The following MYO7A variants were observed in gnomAD, a reference collection of about 807,000 sequenced individuals.
MYO7A encodes the protein unconventional myosin-VIIa.
A neutral mutation model predicts 263.8 loss-of-function variants in MYO7A; 210 were observed. The observed-to-expected ratio is 0.80, with a 90% CI of 0.71 to 0.89. The LOEUF is 0.89. MYO7A is among the 40% of genes least tolerant of loss of function. The pLI is 0.00. For synonymous variants in MYO7A, 1,239 were observed against 1,197.3 expected (o/e 1.03, Z -0.72); for missense variants, 2,820 against 2,968.3 (o/e 0.95, Z 1.16).
At chr11:77,159,649 A>G (rs935270307) in intron 10 of MYO7A, 126 bp downstream of exon 10, 5 of 948,796 alleles carry the variant, frequency 5.3e-6, no homozygotes, top group Non-Finnish European at 7.9e-6. Flanking sequence ...GTTCTGTTCA[A>G]TATGGAGAAG....
intron 29 of MYO7A, 36 bp downstream of exon 29, chr11:77,190,175 T>C: frequency 6.6e-7 from 1 of 1,504,824 alleles, no homozygotes; most frequent in Non-Finnish European, 9.0e-7. Flanking sequence ...CGTGTGCATG[T>C]GTGCGCACGT....
At chr11:77,204,469 A>G (rs1319905066) in intron 39 of MYO7A, among the ~76,000 whole-genome samples, 2 of 152,224 alleles carry the variant, frequency 1.3e-5, no homozygotes, top group Non-Finnish European at 2.9e-5. Context: ...TAACAGCCCC[A>G]GCTCCTCCTA....
At chr11:77,132,973 A>G (rs1950810095) in intron 2 of MYO7A, among the ~76,000 whole-genome samples, 1 of 152,194 alleles carries the variant, frequency 6.6e-6, no homozygotes, top group African/African-American at 2.4e-5. Context: ...AAGCAGCTGA[A>G]GCATACTTCC....
In MYO7A at chr11:77,156,052, A is replaced by G. The variant is rs782009482; in HGVS notation, c.431A>G (p.Asn144Ser). ...GCCATTGCTGACAACTGCTACTTCA[A>G]CATGAAACGCAACAGCCGAGACCAG... ...IFAIADNCYFNMKRNSRDQCC... is the reference protein window; with the variant it reads ...IFAIADNCYFSMKRNSRDQCC... Residue 144 changes from asparagine (N) to serine (S), a missense_variant, in exon 5 of 49, where the codon AAC (asparagine) becomes AGC (serine). By Grantham distance (46) the Asn-to-Ser change is conservative. Transcript: ENST00000409709. 4 of 1,613,820 alleles carry G rather than the reference A, an allele frequency of 2.5e-6. No individual in the cohort carries two copies. The Admixed American group carries it at 6.7e-5, about 27-fold the overall frequency.
Position 77,206,101 on chromosome 11 carries a change from G to A in MYO7A, c.5641G>A (p.Gly1881Arg), listed in dbSNP as rs373886432. ...LQRLQKALRN[G>R]SRKYPPHLVE... ...CTGCCCCTGCTGCCTTTTCAGAAAC[G>A]GGTCCCGGAAGTACCCTCCGCACCT... The change falls in exon 41 of 49, where the codon GGG becomes AGG. Residue 1881 changes from glycine to arginine, a missense_variant. Physicochemically the swap from Gly to Arg is moderately radical, Grantham distance 125 (BLOSUM62 -2). Coordinates refer to ENST00000409709, the MANE Select transcript of MYO7A (RefSeq NM_000260.4). The A allele has an allele frequency of 1.1e-5, 17 of 1,610,750 alleles. No individual in the cohort carries two copies. Among genetic ancestry groups the A allele is most frequent in the South Asian group, 5.5e-5 (5 of 90,334 alleles).
chr11:77,203,377 C>T (rs962813231), intron 38 of MYO7A, among the ~76,000 whole-genome samples, 160 bp downstream of exon 38: 1 of 152,216 alleles, frequency 6.6e-6, no homozygotes, highest in African/African-American at 2.4e-5. Flanking sequence ...CAAGGGGCTG[C>T]CTCGCCCACT....
At chr11:77,139,351 A>G (rs781169203) in intron 2 of MYO7A, 1 of 152,224 alleles carries the variant, frequency 6.6e-6, no homozygotes, top group African/African-American at 2.4e-5. Flanking sequence ...GGGAGCCTGC[A>G]TAGCTGGCAG....
At position 77,190,038 on chromosome 11, in the gene MYO7A, C is replaced by T. The variant is rs1288157050; in HGVS notation, c.3649C>T (p.His1217Tyr). The T allele has an allele frequency of 2.6e-6, 4 of 1,558,288 alleles. No homozygotes were observed. Among genetic ancestry groups the T allele is most frequent in the Non-Finnish European group, 2.6e-6 (3 of 1,151,638 alleles). The change falls in exon 29 of 49, where the codon CAC becomes TAC. Residue 1217 changes from histidine to tyrosine, a missense_variant. Physicochemically the swap from His to Tyr is moderately conservative, Grantham distance 83. Coordinates refer to ENST00000409709, the MANE Select transcript of MYO7A (RefSeq NM_000260.4). ...GCTGCAGTACCTGCGGAACTTCATC[C>T]ACGGGGGCCCGCCCGGCTACGCCCC... is the stretch of plus-strand genomic sequence containing the variant. ...KFVKYLRNFI[H>Y]GGPPGYAPYC...
At chr11:77,142,161 C>T (rs1335070080) in intron 2 of MYO7A, among the ~76,000 whole-genome samples, 5 of 152,228 alleles carry the variant, frequency 3.3e-5, no homozygotes, top group Admixed American at 6.5e-5. Flanking sequence ...GACATCCTCC[C>T]CCAGGATCAG....
chr11:77,156,239 T>A, intron 5 of MYO7A, 148 bp downstream of exon 5: 1 of 872,994 alleles, frequency 1.1e-6, no homozygotes, highest in Non-Finnish European at 1.7e-6. Flanking sequence ...CTGTGCTGTG[T>A]AACAATGTAG....
In MYO7A at chr11:77,211,767, T is replaced by C. The variant is rs946947128; in HGVS notation, c.6238-54T>C. ...CTCTGAGCTCTGAGCTGGCCTGCCC[T>C]GAGCAGGCCTGTCCCCAGGACTGAG... On this transcript the variant is annotated intron_variant, in intron 45 of 48. Coordinates refer to ENST00000409709, the MANE Select transcript of MYO7A (RefSeq NM_000260.4). 54 of 1,420,336 alleles carry C rather than the reference T, an allele frequency of 3.8e-5. No homozygotes were observed. In the Middle Eastern group the frequency reaches 1.3e-3, roughly 34 times the overall value. The allele number at this position is 1,420,336 out of a possible 1,614,324, so 88.0% of individuals were successfully genotyped here.
At chr11:77,159,407 A>ACCCCCCCCCC in intron 9 of MYO7A, 40 bp from the exon 10 acceptor site, 3 of 426,926 alleles carry the variant, frequency 7.0e-6, no homozygotes, top group Non-Finnish European at 1.3e-5. Flanking sequence ...CCTGTTGCCC[A>ACCCCCCCCCC]CCCTCCCTCC....
chr11:77,210,343 T>C (rs1957779753), intron 44 of MYO7A, among the ~76,000 whole-genome samples: 1 of 152,088 alleles, frequency 6.6e-6, no homozygotes, highest in Non-Finnish European at 1.5e-5. Context: ...GGAGGATGAA[T>C]GCTGAGTGAA....
intron 28 of MYO7A, 78 bp from the exon 29 acceptor site, chr11:77,189,942 C>T (rs1955923529): frequency 2.1e-6 from 3 of 1,446,196 alleles, no homozygotes; most frequent in Non-Finnish European, 2.7e-6. Context: ...CCTCCAAGTG[C>T]CGGGAGGGCC....
chr11:77,201,661 A>T, intron 36 of MYO7A, 23 bp downstream of exon 36: 1 of 1,607,874 alleles, frequency 6.2e-7, no homozygotes, highest in Non-Finnish European at 8.5e-7. Context: ...GGGGTGGCAG[A>T]TGGGTGGGAG....
intron 15 of MYO7A, among the ~76,000 whole-genome samples, chr11:77,171,057 G>A (rs1324651375): frequency 4.6e-5 from 7 of 152,242 alleles, no homozygotes; most frequent in African/African-American, 1.7e-4. Flanking sequence ...TGGCCATGCA[G>A]CAATAAAGAG....
chr11:77,205,987 G>T, intron 40 of MYO7A, 110 bp from the exon 41 acceptor site: 1 of 840,004 alleles, frequency 1.2e-6, no homozygotes, highest in South Asian at 1.5e-5. Flanking sequence ...CACATCATAG[G>T]AAGTGGCAGG....
chr11:77,134,851 C>A lies in MYO7A; in HGVS notation c.18+4199C>A, dbSNP rs117968309. Among the ~76,000 whole-genome samples the A allele has an allele frequency of 8.0e-3, 1,099 of 137,416 alleles. 24 individuals are homozygous for A. Among genetic ancestry groups the A allele is most frequent in the East Asian group, 0.049 (229 of 4,662 alleles). 90.2% of individuals were successfully genotyped at this position (137,416 alleles called of 152,430 possible). A position where few individuals can be genotyped will look rare whatever the true frequency, so the allele number is the denominator to read the frequency against. Reference sequence around the variant, plus strand: ...AGGCTGGAGTGCAGTGGTGTGATTTCAGCTCACTCTGCAACTTCTGCCTCC... The same window carrying A: ...AGGCTGGAGTGCAGTGGTGTGATTTAAGCTCACTCTGCAACTTCTGCCTCC... On this transcript the variant is annotated intron_variant, in intron 2 of 48. Coordinates refer to ENST00000409709, the MANE Select transcript of MYO7A (RefSeq NM_000260.4).
chr11:77,156,918 A>C lies in MYO7A; in HGVS notation c.649A>C (p.Ile217Leu). The change falls in exon 7 of 49, where the codon ATC becomes CTC. Residue 217 changes from isoleucine to leucine, a missense_variant. Physicochemically the swap from Ile to Leu is conservative, Grantham distance 5 (BLOSUM62 2). Coordinates refer to ENST00000409709, the MANE Select transcript of MYO7A (RefSeq NM_000260.4). ...NDNSSRFGKYIDIHFNKRGAI... is the reference protein window; with the variant it reads ...NDNSSRFGKYLDIHFNKRGAI... ...CAACTCAAGCCGTTTCGGAAAGTAC[A>C]TCGACATCCACTTCAACAAGCGGGG... The C allele has an allele frequency of 6.2e-7, 1 of 1,614,006 alleles. No individual in the cohort carries two copies. The highest frequency in any genetic ancestry group is 8.5e-7 in the Non-Finnish European group (1 of 1,179,896).
Sources: allele counts gnomAD v4.1 joint callset (sites outside exome capture counted in the v4.1 genomes callset), GRCh38; gene constraint gnomAD v4.1.1; transcripts MANE v1.5; gene names NCBI Gene and HGNC (gene_info 2026-07-23, HGNC 2026-07-21).